DSCAM: variants seen among roughly 807,000 people sequenced by gnomAD.
DSCAM encodes the protein cell adhesion molecule DSCAM.
In DSCAM, 47 loss-of-function variants were observed where a neutral mutation model predicts 217.7. That is an observed-to-expected ratio of 0.22 (90% CI 0.17 to 0.28). The LOEUF (loss-of-function observed/expected upper bound fraction) is 0.28, where lower values mean the gene tolerates loss of function less well. Among genes scored for constraint, DSCAM ranks in the 10% least tolerant of loss-of-function variants. The probability of loss-of-function intolerance (pLI) is 1.00; values close to 1 mark genes in which losing one functional copy is unlikely to be tolerated. For synonymous variants in DSCAM, 1,056 were observed against 1,015.3 expected (o/e 1.04, Z -0.76); for missense variants, 2,080 against 2,618.3 (o/e 0.79, Z 4.49).
At chr21:40,842,910 T>C (rs1386041092) in intron 1 of DSCAM, among the ~76,000 whole-genome samples, 1 of 152,118 alleles carries the variant, frequency 6.6e-6, no homozygotes, top group Admixed American at 6.5e-5. Flanking sequence ...TTTGTTTTCC[T>C]ACAGAGGGCA....
intron 5 of DSCAM, among the ~76,000 whole-genome samples, chr21:40,348,809 A>C (rs1238843589): frequency 6.6e-6 from 1 of 152,130 alleles, no homozygotes; most frequent in African/African-American, 2.4e-5. Flanking sequence ...CTGCCTTCTC[A>C]GGAGTCTCTG....
At chr21:40,455,995 G>T (rs908538077) in intron 3 of DSCAM, among the ~76,000 whole-genome samples, 2 of 152,028 alleles carry the variant, frequency 1.3e-5, no homozygotes, top group African/African-American at 4.8e-5. Context: ...GCTAAATGAC[G>T]AGTTAATGGG....
At chr21:40,789,029 T>A (rs189013214) in intron 1 of DSCAM, among the ~76,000 whole-genome samples, 1 of 152,276 alleles carries the variant, frequency 6.6e-6, no homozygotes, top group African/African-American at 2.4e-5. Flanking sequence ...TGGCGCATAG[T>A]CGGTATTCAT....
At chr21:40,376,199 T>C (rs2074948560) in intron 3 of DSCAM, among the ~76,000 whole-genome samples, 1 of 152,100 alleles carries the variant, frequency 6.6e-6, no homozygotes. Context: ...CGATGAAGCT[T>C]TTCTCAGCTG....
chr21:40,507,633 C>T (rs73228106), intron 3 of DSCAM, among the ~76,000 whole-genome samples: 14,531 of 151,778 alleles, frequency 0.096, 761 homozygotes, highest in Middle Eastern at 0.16. Flanking sequence ...CTACAAAAAA[C>T]ACAAAAGTTA....
In DSCAM at chr21:40,027,374, G is replaced by T. The variant is rs1207327611; in HGVS notation, c.5687-13988C>A. On this transcript the variant is annotated intron_variant, in intron 32 of 32. Coordinates refer to ENST00000400454, the MANE Select transcript of DSCAM (RefSeq NM_001389.5). ...TGTGTCTTGGAGTTGCTCTTGTCAA[G>T]GAATATCTTTGTGGCATTCTCTGTA... 9.4e-3 allele frequency among the ~76,000 whole-genome samples: 1,420 copies of T among 151,472 alleles called. 1 individual carries two copies. The highest frequency in any genetic ancestry group is 0.033 in the African/African-American group (1,332 of 40,792).
At chr21:40,688,698 AC>A (rs542449684) in intron 3 of DSCAM, among the ~76,000 whole-genome samples, 90 of 151,882 alleles carry the variant, frequency 5.9e-4, no homozygotes, top group Non-Finnish European at 1.1e-3. Flanking sequence ...CACATTTACG[AC>A]CCCACCCCCA....
intron 3 of DSCAM, among the ~76,000 whole-genome samples, chr21:40,563,665 TA>T (rs1379098778): frequency 4.8e-5 from 3 of 62,694 alleles, no homozygotes; most frequent in African/African-American, 3.5e-4. Flanking sequence ...TATGTTTGTT[TA>T]TATATATGTT....
chr21:40,059,453 A>T (rs1382885457), intron 28 of DSCAM, among the ~76,000 whole-genome samples: 2 of 152,212 alleles, frequency 1.3e-5, no homozygotes, highest in East Asian at 3.9e-4. Context: ...TGGGTGAAAC[A>T]GGTGGATATC....
intron 3 of DSCAM, among the ~76,000 whole-genome samples, chr21:40,454,694 A>C (rs2075749095): frequency 6.6e-6 from 1 of 152,250 alleles, no homozygotes; most frequent in Non-Finnish European, 1.5e-5. Context: ...AGAAGTCGCC[A>C]CAAGAAGGTC....
chr21:40,604,442 T>C (rs2089204335), intron 3 of DSCAM, among the ~76,000 whole-genome samples: 1 of 152,218 alleles, frequency 6.6e-6, no homozygotes, highest in East Asian at 1.9e-4. Flanking sequence ...TTCTGATGCT[T>C]ATTCTGTCTC....
intron 3 of DSCAM, among the ~76,000 whole-genome samples, chr21:40,600,722 A>C (rs750738237): frequency 6.6e-6 from 1 of 152,132 alleles, no homozygotes; most frequent in Non-Finnish European, 1.5e-5. Context: ...CGTATTGTAA[A>C]ATATTTGCTA....
intron 6 of DSCAM, among the ~76,000 whole-genome samples, chr21:40,342,650 T>TATATATA (rs1569074522): frequency 2.2e-5 from 1 of 45,470 alleles, no homozygotes; most frequent in African/African-American, 7.3e-5. Context: ...ATATATATAT[T>TATATATA]TTTTTTTTTT....
At chr21:40,437,338 GT>G (rs2075592145) in intron 3 of DSCAM, among the ~76,000 whole-genome samples, 1 of 152,088 alleles carries the variant, frequency 6.6e-6, no homozygotes. Context: ...CCACCAAGGT[GT>G]CCACAGAGTC....
chr21:40,435,054 C>T (rs1383394520), intron 3 of DSCAM, among the ~76,000 whole-genome samples: 1 of 152,206 alleles, frequency 6.6e-6, no homozygotes, highest in African/African-American at 2.4e-5. Flanking sequence ...TGGAATCGAT[C>T]AGTGATAGAC....
intron 3 of DSCAM, among the ~76,000 whole-genome samples, chr21:40,433,459 G>A (rs1233916677): frequency 6.6e-6 from 1 of 151,944 alleles, no homozygotes; most frequent in Non-Finnish European, 1.5e-5. Flanking sequence ...TGCTTTGACT[G>A]GCCCCATCTC....
rs556875203 is a variant in DSCAM, at chr21:40,028,534, C to T, written c.5686+13837G>A. Among the ~76,000 whole-genome samples, 449 of 150,162 alleles carry T rather than the reference C, an allele frequency of 3.0e-3. 2 individuals are homozygous for T. The highest frequency in any genetic ancestry group is 7.2e-3 in the African/African-American group (298 of 41,378). On this transcript the variant is annotated intron_variant, in intron 32 of 32. Transcript: ENST00000400454. ...GGCGTAGGACCCTCCAAGCCAGGTG[C>T]GGGATATAATCTCGTGGTGCGCCAT...
chr21:40,247,429 G>A (rs1471596026), intron 11 of DSCAM, among the ~76,000 whole-genome samples: 3 of 152,186 alleles, frequency 2.0e-5, no homozygotes, highest in Non-Finnish European at 4.4e-5. Flanking sequence ...GGGGGTACAG[G>A]CATTGGGGAA....
At chr21:40,522,934 T>A (rs2076370729) in intron 3 of DSCAM, among the ~76,000 whole-genome samples, 1 of 152,122 alleles carries the variant, frequency 6.6e-6, no homozygotes, top group Admixed American at 6.5e-5. Flanking sequence ...CAATTTACAC[T>A]GAAGGTAAAT....
Sources: gnomAD v4.1 joint callset for allele counts (sites outside exome capture counted in the v4.1 genomes callset) on GRCh38, gnomAD v4.1.1 for gene constraint, MANE v1.5 for transcripts, NCBI Gene and HGNC (gene_info 2026-07-23, HGNC 2026-07-21) for gene names.